The following KLF8 variants were observed in gnomAD, a reference collection of about 807,000 sequenced individuals.
KLF8 encodes Krueppel-like factor 8.
A neutral mutation model predicts 18.2 loss-of-function variants in KLF8; 10 were observed. The ratio of observed to expected loss-of-function variants is 0.55; its 90% CI spans 0.34 to 0.93. The LOEUF (loss-of-function observed/expected upper bound fraction) is 0.93, where lower values mean the gene tolerates loss of function less well. Among genes scored for constraint, KLF8 ranks in the 40% least tolerant of loss-of-function variants. The pLI is 0.02. For synonymous variants in KLF8, 109 were observed against 97.3 expected (o/e 1.12, Z -0.71); for missense variants, 264 against 277.9 (o/e 0.95, Z 0.36).
chrX:56,071,182 G>C, the KLF8 span, among the ~76,000 whole-genome samples: 2 of 111,515 alleles, frequency 1.8e-5, no homozygotes, highest in Non-Finnish European at 3.8e-5. Context: ...AATTTTTCAA[G>C]ACTGAATTTG....
the KLF8 span, among the ~76,000 whole-genome samples, chrX:56,185,891 G>A: frequency 4.5e-5 from 5 of 111,850 alleles, no homozygotes; most frequent in African/African-American, 1.6e-4. Context: ...ACATGGAAAG[G>A]AATAACTGCT....
the KLF8 span, among the ~76,000 whole-genome samples, chrX:55,949,093 C>G: frequency 4.6e-4 from 52 of 112,035 alleles, no homozygotes; most frequent in African/African-American, 1.6e-3. Context: ...GCTAGAGTAA[C>G]TCTTGCTTTA....
chrX:56,052,080 A>C, the KLF8 span, among the ~76,000 whole-genome samples: 26 of 111,499 alleles, frequency 2.3e-4, 1 homozygote, highest in Admixed American at 1.4e-3. Context: ...AGGCTTCTGC[A>C]TTATTCACGT....
At chrX:56,167,957 G>A in the KLF8 span, among the ~76,000 whole-genome samples, 300 of 111,463 alleles carry the variant, frequency 2.7e-3, 1 homozygote, top group African/African-American at 9.3e-3. Flanking sequence ...AATTTTCATA[G>A]CAAATACCAC....
chrX:56,135,112 A>T, the KLF8 span, among the ~76,000 whole-genome samples: 5 of 111,682 alleles, frequency 4.5e-5, no homozygotes, highest in Admixed American at 1.9e-4. Context: ...GGGACTGGAA[A>T]CTAGTTCAAC....
chrX:56,276,469 TG>T (rs1393093822), intron 5 of KLF8, among the ~76,000 whole-genome samples: 1 of 111,582 alleles, frequency 9.0e-6, no homozygotes, highest in Non-Finnish European at 1.9e-5. Flanking sequence ...TTTGTTCATC[TG>T]GGAAAGTCTT....
the KLF8 span, among the ~76,000 whole-genome samples, chrX:56,005,252 A>G: frequency 9.1e-6 from 1 of 110,415 alleles, no homozygotes; most frequent in East Asian, 2.9e-4. Flanking sequence ...AAGATTAGCA[A>G]TCTTCTGCAC....
chrX:56,197,851 C>G, the KLF8 span, among the ~76,000 whole-genome samples: 1 of 111,960 alleles, frequency 8.9e-6, no homozygotes, highest in South Asian at 3.7e-4. Flanking sequence ...AAAATACTGG[C>G]AAACCGAATC....
At chrX:55,979,167 C>T in the KLF8 span, among the ~76,000 whole-genome samples, 1 of 111,576 alleles carries the variant, frequency 9.0e-6, no homozygotes, top group Non-Finnish European at 1.9e-5. Flanking sequence ...TCATGGTCAA[C>T]CATGGTCTGA....
chrX:56,049,219 C>T, the KLF8 span, among the ~76,000 whole-genome samples: 5 of 111,370 alleles, frequency 4.5e-5, no homozygotes, highest in African/African-American at 1.6e-4. Flanking sequence ...CAAAAAGGGA[C>T]AATTTGACTT....
At chrX:56,188,984 C>A in the KLF8 span, among the ~76,000 whole-genome samples, 1 of 111,447 alleles carries the variant, frequency 9.0e-6, no homozygotes, top group Non-Finnish European at 1.9e-5. Context: ...TCTAAAACAC[C>A]AAAAGCAATG....
the KLF8 span, among the ~76,000 whole-genome samples, chrX:56,187,824 T>C: frequency 9.8e-5 from 11 of 111,765 alleles, no homozygotes; most frequent in East Asian, 2.0e-3. Flanking sequence ...AATTCAACAA[T>C]GCTTCATGCT....
At chrX:56,083,869 G>T in the KLF8 span, among the ~76,000 whole-genome samples, 1 of 111,695 alleles carries the variant, frequency 9.0e-6, no homozygotes, top group Admixed American at 9.5e-5. Flanking sequence ...AGGTGGAACA[G>T]CTTCATCCCA....
At chrX:55,996,196 A>C in the KLF8 span, among the ~76,000 whole-genome samples, 3 of 111,365 alleles carry the variant, frequency 2.7e-5, no homozygotes, top group African/African-American at 9.8e-5. Flanking sequence ...TCTTGTAGGG[A>C]GTTTTTCAGC....
the KLF8 span, among the ~76,000 whole-genome samples, chrX:55,954,620 G>T: frequency 1.8e-5 from 2 of 112,161 alleles, no homozygotes; most frequent in African/African-American, 6.5e-5. Context: ...TTGGAAAAGA[G>T]TTTGACAATT....
the KLF8 span, among the ~76,000 whole-genome samples, chrX:56,062,992 G>A: frequency 1.6e-3 from 174 of 110,671 alleles, 1 homozygote; most frequent in African/African-American, 5.3e-3. Context: ...CGAAGTTCTC[G>A]TGCTGTGTTT....
chrX:55,936,643 C>G, the KLF8 span, among the ~76,000 whole-genome samples: 1 of 112,635 alleles, frequency 8.9e-6, no homozygotes, highest in Non-Finnish European at 1.9e-5. Context: ...AAAGGGGTGA[C>G]AGATGGCACC....
At chrX:55,988,300 G>T in the KLF8 span, among the ~76,000 whole-genome samples, 1 of 110,937 alleles carries the variant, frequency 9.0e-6, no homozygotes, top group Middle Eastern at 4.7e-3. Context: ...GAATGGTAAT[G>T]CCTAGGTTTT....
chrX:56,180,100 G>C, the KLF8 span, among the ~76,000 whole-genome samples: 1 of 111,438 alleles, frequency 9.0e-6, no homozygotes, highest in Non-Finnish European at 1.9e-5. Context: ...CGTAGAATTC[G>C]GCTGTGAATC....
Sources: allele counts gnomAD v4.1 joint callset (sites outside exome capture counted in the v4.1 genomes callset), GRCh38; gene constraint gnomAD v4.1.1; transcripts MANE v1.5; gene names NCBI Gene and HGNC (gene_info 2026-07-23, HGNC 2026-07-21).